RELL1: variants seen among roughly 807,000 people sequenced by gnomAD.
RELL1 encodes RELT-like protein 1.
Under a neutral mutation model 23.0 loss-of-function variants are expected in RELL1, and 10 were observed. The observed-to-expected ratio is 0.43, with a 90% confidence interval of 0.27 to 0.74. The LOEUF is 0.74. Ranked by LOEUF, RELL1 falls within the 30% of genes least tolerant of loss-of-function variation. The pLI, the probability that RELL1 is intolerant of heterozygous loss-of-function variation, is 0.19. For synonymous variants in RELL1, 146 were observed against 146.8 expected, an observed-to-expected ratio of 0.99 and a Z score of 0.04; for missense variants, 315 against 364.4, an observed-to-expected ratio of 0.86 and a Z score of 1.10.
At chr4:37,619,764 T>C (rs1024220393) in intron 6 of RELL1, among the ~76,000 whole-genome samples, 1 of 152,032 alleles carries the variant, frequency 6.6e-6, no homozygotes, top group Non-Finnish European at 1.5e-5. Context: ...AGAGACAGGA[T>C]CTCACTATGT....
chr4:37,658,584 A>T (rs1476660198), intron 1 of RELL1, among the ~76,000 whole-genome samples: 1 of 152,208 alleles, frequency 6.6e-6, no homozygotes, highest in Non-Finnish European at 1.5e-5. Context: ...ACCAAGTGGC[A>T]GTGCCTGGAT....
chr4:37,621,030 G>A (rs1206403289), intron 6 of RELL1, among the ~76,000 whole-genome samples: 1 of 152,286 alleles, frequency 6.6e-6, no homozygotes, highest in Middle Eastern at 3.4e-3. Flanking sequence ...GATCTTGAGC[G>A]CAAGAAGTCT....
downstream of RELL1, among the ~76,000 whole-genome samples, chr4:37,607,618 C>T (rs1268229995): frequency 4.8e-5 from 7 of 146,580 alleles, no homozygotes; most frequent in African/African-American, 1.0e-4. Context: ...CTTGCTCTGT[C>T]GCCCAGGCAG....
intron 1 of RELL1, among the ~76,000 whole-genome samples, chr4:37,685,355 C>T (rs1553877039): frequency 6.6e-6 from 1 of 151,884 alleles, no homozygotes; most frequent in Non-Finnish European, 1.5e-5. Context: ...TTTTTAACTG[C>T]AGCTGTTAGG....
At chr4:37,675,541 A>G (rs1050986979) in intron 1 of RELL1, among the ~76,000 whole-genome samples, 1 of 152,262 alleles carries the variant, frequency 6.6e-6, no homozygotes, top group African/African-American at 2.4e-5. Flanking sequence ...AGCTGCCTCA[A>G]GAAGCTCTAG....
intron 6 of RELL1, among the ~76,000 whole-genome samples, chr4:37,596,736 A>ATATATATATATATT (rs1365185216): frequency 2.4e-4 from 4 of 16,504 alleles, no homozygotes; most frequent in Non-Finnish European, 4.5e-4. Flanking sequence ...ATATATATAT[A>ATATATATATATATT]TTTTTTTTTT....
At chr4:37,586,901 C>T (rs1041989604), downstream of RELL1, among the ~76,000 whole-genome samples, 4 of 152,130 alleles carry the variant, frequency 2.6e-5, no homozygotes, top group African/African-American at 9.7e-5. Flanking sequence ...CAGAGTGAGG[C>T]TCTGTCTCAA....
intron 6 of RELL1, among the ~76,000 whole-genome samples, chr4:37,593,927 G>A (rs1227167193): frequency 6.6e-6 from 1 of 152,128 alleles, no homozygotes; most frequent in African/African-American, 2.4e-5. Context: ...CAAAGAAGGG[G>A]TAGGGTAAGG....
At chr4:37,590,202 C>G, downstream of RELL1, 1 of 1,614,206 alleles carries the variant, frequency 6.2e-7, no homozygotes, top group Non-Finnish European at 8.5e-7. Flanking sequence ...GCAGTGAAGT[C>G]TTGGTGCAGA....
chr4:37,626,478 AAAAC>A (rs942253128), intron 6 of RELL1, among the ~76,000 whole-genome samples: 10 of 152,150 alleles, frequency 6.6e-5, no homozygotes, highest in African/African-American at 2.2e-4. Context: ...TCTGTCTCAG[AAAAC>A]AAACAAACAA....
At chr4:37,605,797 A>AGAGAG (rs772155221), downstream of RELL1, among the ~76,000 whole-genome samples, 67 of 90,422 alleles carry the variant, frequency 7.4e-4, no homozygotes, top group African/African-American at 3.0e-3. Context: ...AAGAAAGAGA[A>AGAGAG]AGAAAGAAAG....
rs1300752794 is a variant in RELL1 at position 37,638,778 on chromosome 4, T to C, written c.386-274A>G. On this transcript the variant is annotated intron_variant, in intron 3 of 6. Transcript: ENST00000454158. Reference sequence around the variant, plus strand: ...TAAGGCATTGCTTCTTACACATCAATAGCAATATAAAGTAGAAGAAACCAC... The same window carrying C: ...TAAGGCATTGCTTCTTACACATCAACAGCAATATAAAGTAGAAGAAACCAC... Among the ~76,000 whole-genome samples the C allele has an allele frequency of 5.9e-5, 9 of 152,044 alleles. No individual in the cohort carries two copies. In the East Asian group the frequency reaches 1.2e-3, roughly 20 times the overall value.
rs1488695673 is a variant in RELL1, at chr4:37,669,194, C to A, written c.88+17006G>T. Among the ~76,000 whole-genome samples the A allele has an allele frequency of 2.4e-4, 15 of 61,536 alleles. No individual in the cohort carries two copies. The East Asian group carries it at 6.7e-3, about 27-fold the overall frequency. The allele number at this position is 61,536 out of a possible 152,430, so 40.4% of individuals were successfully genotyped here. On this transcript the variant is annotated intron_variant, in intron 1 of 6. Coordinates refer to ENST00000454158, the MANE Select transcript of RELL1 (RefSeq NM_001085400.2). ...CCGGGAGGGAGGTGGGGGGGGGGGT[C>A]AGCCCCCTGCCTGGCCAGCCGCCCC...
downstream of RELL1, chr4:37,590,352 C>G (rs140208747): frequency 1.5e-4 from 246 of 1,613,538 alleles, no homozygotes; most frequent in Non-Finnish European, 9.8e-5. Context: ...GCGGTGTCAA[C>G]GGCATCGGCC....
At chr4:37,651,057 CAAAA>C (rs370325360) in intron 1 of RELL1, among the ~76,000 whole-genome samples, 199 of 120,822 alleles carry the variant, frequency 1.6e-3, no homozygotes, top group African/African-American at 3.3e-3. Flanking sequence ...AAGACTGTCT[CAAAA>C]AAAAAAAAAA....
chr4:37,587,908 G>A (rs1297673601), downstream of RELL1, among the ~76,000 whole-genome samples: 1 of 152,182 alleles, frequency 6.6e-6, no homozygotes, highest in African/African-American at 2.4e-5. Context: ...GGCAGAGGTT[G>A]CAGTGAGCCG....
downstream of RELL1, chr4:37,588,015 A>G (rs1178975685): frequency 6.6e-6 from 1 of 152,230 alleles, no homozygotes; most frequent in Non-Finnish European, 1.5e-5. Context: ...ATTAGAAATG[A>G]ATAATATCTA....
chr4:37,624,067 T>TATA (rs1469969047), intron 6 of RELL1, among the ~76,000 whole-genome samples: 5 of 152,144 alleles, frequency 3.3e-5, no homozygotes, highest in African/African-American at 1.2e-4. Flanking sequence ...GAGCTTCTAC[T>TATA]ATAATTCCTG....
chr4:37,621,314 G>A (rs956385102), intron 6 of RELL1, among the ~76,000 whole-genome samples: 1 of 152,030 alleles, frequency 6.6e-6, no homozygotes, highest in African/African-American at 2.4e-5. Flanking sequence ...AAATCAGCCA[G>A]GCGTGGTGGT....
Sources: gnomAD v4.1 joint callset for allele counts (sites outside exome capture counted in the v4.1 genomes callset) on GRCh38, gnomAD v4.1.1 for gene constraint, MANE v1.5 for transcripts, NCBI Gene and HGNC (gene_info 2026-07-23, HGNC 2026-07-21) for gene names.